Variants in HECW1 observed in about 807,000 individuals in gnomAD.
HECW1 encodes HECT, C2 and WW domain containing E3 ubiquitin protein ligase 1.
In HECW1, 61 loss-of-function variants were observed where a neutral mutation model predicts 182.3. The ratio of observed to expected loss-of-function variants is 0.33; its 90% confidence interval spans 0.27 to 0.41. The LOEUF is 0.41. HECW1 is among the 10% of genes least tolerant of loss of function. The pLI is 1.00. For synonymous variants in HECW1, 859 were observed against 832.6 expected (o/e 1.03, Z -0.55); for missense variants, 1,739 against 2,108.9 (o/e 0.82, Z 3.44).
chr7:43,301,083 T>C (rs993438028), intron 3 of HECW1, among the ~76,000 whole-genome samples: 1 of 152,078 alleles, frequency 6.6e-6, no homozygotes, highest in Non-Finnish European at 1.5e-5. Flanking sequence ...AGTGTGAAGT[T>C]TCTAAGGTGA....
chr7:43,206,310 T>G (rs910193108), intron 2 of HECW1, among the ~76,000 whole-genome samples: 1 of 152,094 alleles, frequency 6.6e-6, no homozygotes, highest in Non-Finnish European at 1.5e-5. Context: ...GCTCTGTCAT[T>G]TCTGTAAATC....
At chr7:43,259,169 C>G (rs1800906359) in intron 3 of HECW1, among the ~76,000 whole-genome samples, 1 of 152,114 alleles carries the variant, frequency 6.6e-6, no homozygotes, top group South Asian at 2.1e-4. Context: ...GGGGGATCAC[C>G]TAAGGTTAGG....
chr7:43,372,686 A>G (rs2074159833), intron 6 of HECW1, among the ~76,000 whole-genome samples: 1 of 152,106 alleles, frequency 6.6e-6, no homozygotes. Flanking sequence ...TTTACAAGGA[A>G]AAAGCCTTGT....
At chr7:43,323,469 G>A (rs770994775) in intron 5 of HECW1, among the ~76,000 whole-genome samples, 13 of 151,898 alleles carry the variant, frequency 8.6e-5, no homozygotes, top group Non-Finnish European at 1.9e-4. Flanking sequence ...GCCTGTAGTC[G>A]CAGCTACTTG....
intron 13 of HECW1, among the ~76,000 whole-genome samples, chr7:43,461,762 C>T (rs1000149711): frequency 6.6e-5 from 10 of 152,196 alleles, no homozygotes; most frequent in African/African-American, 2.4e-4. Flanking sequence ...CCCCCTTCCA[C>T]ATTTTGTTCT....
chr7:43,412,543 G>A (rs910644348), intron 8 of HECW1, among the ~76,000 whole-genome samples: 79 of 149,350 alleles, frequency 5.3e-4, no homozygotes, highest in African/African-American at 1.7e-3. Context: ...ATGCTGGTGC[G>A]CTGCACCCAC....
In HECW1 at chr7:43,332,868, T is replaced by G. The variant is rs148821787; in HGVS notation, c.460+12126T>G. On this transcript the variant is annotated intron_variant, in intron 5 of 29. Transcript: ENST00000395891. ...CATTTAATCCTTATGGAACCCTAGA[T>G]GGCAGATATTTTTATTTTTCCTTTT... Among the ~76,000 whole-genome samples, 288 of 152,346 alleles carry G rather than the reference T, an allele frequency of 1.9e-3. 3 individuals are homozygous for G. Among genetic ancestry groups the G allele is most frequent in the African/African-American group, 6.6e-3 (274 of 41,572 alleles).
intron 8 of HECW1, among the ~76,000 whole-genome samples, chr7:43,422,443 A>G (rs1349937057): frequency 6.7e-6 from 1 of 149,740 alleles, no homozygotes; most frequent in Non-Finnish European, 1.5e-5. Flanking sequence ...GCTCACTGCA[A>G]CCTCCGTCTC....
rs1041287291 is a variant in HECW1, at chr7:43,565,397, G to A, written c.*3471G>A. On this transcript the variant is annotated 3_prime_UTR_variant, in exon 30 of 30. Coordinates refer to ENST00000395891, the MANE Select transcript of HECW1 (RefSeq NM_015052.5). ...CAAGCCAATGGCTGAGTTTTCCAGG[G>A]TAGTTTTAATATTACATCCATCATA... 4.9e-6 allele frequency: 1 copy of A among 203,700 alleles called. No individual in the cohort carries two copies. The highest frequency in any genetic ancestry group is 1.0e-5 in the Non-Finnish European group (1 of 99,284). 12.6% of individuals were successfully genotyped at this position (203,700 alleles called of 1,614,324 possible).
intron 3 of HECW1, among the ~76,000 whole-genome samples, chr7:43,299,791 A>G (rs1356454976): frequency 1.3e-5 from 2 of 152,250 alleles, no homozygotes; most frequent in South Asian, 2.1e-4. Flanking sequence ...CCCACATCAC[A>G]GAGTCTTAGT....
At position 43,450,435 on chromosome 7, in the gene HECW1, G is replaced by T. The variant is rs1157603525; in HGVS notation, c.2399-393G>T. Among the ~76,000 whole-genome samples, 6 of 152,128 alleles carry T rather than the reference G, an allele frequency of 3.9e-5. No homozygotes were observed. The East Asian group carries it at 1.2e-3, about 29-fold the overall frequency. ...TTTTGCATAAGCCCAAGGAACTTTTGTGGAACCTTATAAAACGCTGCATTT... is the reference window on the plus strand; with the variant it reads ...TTTTGCATAAGCCCAAGGAACTTTTTTGGAACCTTATAAAACGCTGCATTT... On this transcript the variant is annotated intron_variant, in intron 11 of 29. Coordinates refer to ENST00000395891, the MANE Select transcript of HECW1 (RefSeq NM_015052.5).
intron 26 of HECW1, among the ~76,000 whole-genome samples, chr7:43,543,954 A>T (rs1471108474): frequency 3.3e-5 from 5 of 152,194 alleles, no homozygotes; most frequent in African/African-American, 1.2e-4. Flanking sequence ...TTACTTAACA[A>T]ACTGTATTAA....
intron 2 of HECW1, chr7:43,121,805 TC>T (rs1461811263): frequency 1.3e-5 from 2 of 152,146 alleles, no homozygotes; most frequent in Non-Finnish European, 2.9e-5. Flanking sequence ...TCTTTCAGCC[TC>T]CCTACTAAAT....
Position 43,136,710 on chromosome 7 carries a change from C to T in HECW1, c.-32+22319C>T, listed in dbSNP as rs139750270. Among the ~76,000 whole-genome samples the T allele has an allele frequency of 5.4e-3, 817 of 152,280 alleles. 4 individuals are homozygous for T. Among genetic ancestry groups the T allele is most frequent in the Non-Finnish European group, 6.0e-3 (411 of 68,016 alleles). On this transcript the variant is annotated intron_variant, in intron 2 of 29. Transcript: ENST00000395891. ...TCAAACAGATCACAGTTTTGCAATC[C>T]AACCCATCCAAACTGCAGATAAGAG...
intron 4 of HECW1, among the ~76,000 whole-genome samples, chr7:43,313,338 CA>C (rs1189756738): frequency 1.8e-5 from 2 of 112,648 alleles, no homozygotes; most frequent in Non-Finnish European, 3.3e-5. Context: ...GCCTAAAGAG[CA>C]TTTTTTTTTT....
At chr7:43,176,006 C>T (rs1356909578) in intron 2 of HECW1, among the ~76,000 whole-genome samples, 2 of 152,216 alleles carry the variant, frequency 1.3e-5, no homozygotes, top group South Asian at 2.1e-4. Context: ...GATAATTCTT[C>T]TCAGTGAGCC....
intron 6 of HECW1, among the ~76,000 whole-genome samples, chr7:43,390,152 C>G (rs1180349716): frequency 6.6e-6 from 1 of 152,124 alleles, no homozygotes; most frequent in African/African-American, 2.4e-5. Context: ...AGCATAAGAG[C>G]CCTGAAATTG....
chr7:43,559,175 A>C (rs1035423517), intron 29 of HECW1, among the ~76,000 whole-genome samples: 2 of 152,184 alleles, frequency 1.3e-5, no homozygotes, highest in African/African-American at 4.8e-5. Flanking sequence ...GGGGAGATCA[A>C]CTGTGTAGAT....
intron 24 of HECW1, among the ~76,000 whole-genome samples, chr7:43,523,358 A>G (rs1194424308): frequency 6.6e-6 from 1 of 152,198 alleles, no homozygotes; most frequent in African/African-American, 2.4e-5. Context: ...TGCTCTTTCT[A>G]GGAGCTTGGC....
Sources: gnomAD v4.1 joint callset for allele counts (sites outside exome capture counted in the v4.1 genomes callset) on GRCh38, gnomAD v4.1.1 for gene constraint, MANE v1.5 for transcripts, NCBI Gene and HGNC (gene_info 2026-07-23, HGNC 2026-07-21) for gene names.